PJA2: variants seen among roughly 807,000 people sequenced by gnomAD.
The protein encoded by PJA2 is E3 ubiquitin-protein ligase Praja-2.
A neutral mutation model predicts 69.3 loss-of-function variants in PJA2; 25 were observed. The observed-to-expected ratio is 0.36, with a 90% CI of 0.26 to 0.50. PJA2 has a LOEUF of 0.50. PJA2 is among the 20% of genes least tolerant of loss of function. The pLI is 0.96. For missense variants in PJA2, 809 were observed against 830.2 expected (o/e 0.97, Z 0.31); for synonymous variants, 308 against 277.8 (o/e 1.11, Z -1.08).
chr5:109,390,435 T>G (rs1425059474), intron 1 of PJA2, among the ~76,000 whole-genome samples: 1 of 152,036 alleles, frequency 6.6e-6, no homozygotes, highest in East Asian at 1.9e-4. Flanking sequence ...ACAATACTGA[T>G]TCCATCTTTT....
intron 4 of PJA2, among the ~76,000 whole-genome samples, chr5:109,376,379 G>A (rs1337977833): frequency 6.6e-6 from 1 of 151,624 alleles, no homozygotes; most frequent in African/African-American, 2.4e-5. Context: ...AAAGTCCAGG[G>A]TCCTTCAAGG....
Position 109,381,669 on chromosome 5 carries a change from G to A in PJA2, c.66C>T (p.Pro22=), listed in dbSNP as rs1208586492. ...MDQESGKAVW[P]KPAGGYQTIT... ...TTGTCTGATACCCTCCTGCTGGTTTGGGCCAGACAGCCTTACCAGATTCTT... is the reference window on the plus strand; with the variant it reads ...TTGTCTGATACCCTCCTGCTGGTTTAGGCCAGACAGCCTTACCAGATTCTT... The change falls in exon 3 of 10, where the codon CCC becomes CCT. Residue 22 remains proline (P), a synonymous_variant. Coordinates refer to ENST00000361189, the MANE Select transcript of PJA2 (RefSeq NM_014819.5). The A allele has an allele frequency of 3.7e-6, 6 of 1,613,640 alleles. No homozygotes were observed. The highest frequency in any genetic ancestry group is 4.2e-6 in the Non-Finnish European group (5 of 1,179,998).
At chr5:109,352,882 T>G (rs148143295) in intron 7 of PJA2, among the ~76,000 whole-genome samples, 1 of 148,954 alleles carries the variant, frequency 6.7e-6, no homozygotes, top group African/African-American at 2.5e-5. Context: ...ATATTAGATA[T>G]CTATATCTAT....
At chr5:109,347,123 TTAA>T (rs2126988645) in intron 7 of PJA2, among the ~76,000 whole-genome samples, 1 of 152,346 alleles carries the variant, frequency 6.6e-6, no homozygotes, top group South Asian at 2.1e-4. Flanking sequence ...ATAAACATAG[TTAA>T]TATTATTGAA....
chr5:109,373,219 C>T (rs971456297), intron 4 of PJA2, among the ~76,000 whole-genome samples: 1 of 152,026 alleles, frequency 6.6e-6, no homozygotes, highest in Admixed American at 6.6e-5. Flanking sequence ...GAAAAGAAAA[C>T]ACAAACAGGC....
Position 109,382,984 on chromosome 5 carries a change from G to A in PJA2, c.31+419C>T, listed in dbSNP as rs147526560. ...TATTTATAATACACGCACATATCGA[G>A]TATAAATAATATCAAGTGTTACACT... On this transcript the variant is annotated intron_variant, in intron 2 of 9. Transcript: ENST00000361189. 2.7e-3 allele frequency among the ~76,000 whole-genome samples: 414 copies of A among 152,174 alleles called. 3 individuals are homozygous for A. The highest frequency in any genetic ancestry group is 9.7e-3 in the African/African-American group (401 of 41,508).
chr5:109,368,904 T>C (rs1762628032), intron 4 of PJA2, among the ~76,000 whole-genome samples, 158 bp from the exon 5 acceptor site: 1 of 152,208 alleles, frequency 6.6e-6, no homozygotes, highest in South Asian at 2.1e-4. Flanking sequence ...GGGAGGTGAC[T>C]GCATCATGGG....
chr5:109,339,001 C>G (rs190892869), intron 9 of PJA2, among the ~76,000 whole-genome samples: 1 of 152,188 alleles, frequency 6.6e-6, no homozygotes, highest in Non-Finnish European at 1.5e-5. Flanking sequence ...TTAAACTGCA[C>G]CTACCTATAT....
intron 1 of PJA2, among the ~76,000 whole-genome samples, chr5:109,401,717 T>C (rs76807178): frequency 0.038 from 5,773 of 152,260 alleles, 110 homozygotes; most frequent in Middle Eastern, 0.051. Flanking sequence ...ACCAGTAGAA[T>C]TGAAGTCCAA....
chr5:109,354,463 ATC>A (rs1762368387), intron 7 of PJA2, among the ~76,000 whole-genome samples: 1 of 106,322 alleles, frequency 9.4e-6, no homozygotes. Flanking sequence ...TATCTATGAT[ATC>A]TAGAGATATC....
intron 7 of PJA2, among the ~76,000 whole-genome samples, chr5:109,353,538 C>CT (rs1401163397): frequency 5.8e-4 from 64 of 109,788 alleles, no homozygotes; most frequent in African/African-American, 3.2e-3. Flanking sequence ...TCTATAATAT[C>CT]ATAGATATCT....
intron 9 of PJA2, among the ~76,000 whole-genome samples, chr5:109,338,228 G>A (rs1399456108): frequency 6.6e-6 from 1 of 152,164 alleles, no homozygotes; most frequent in Admixed American, 6.5e-5. Context: ...AGCAGGAAAG[G>A]CTTCACACTA....
Position 109,363,002 on chromosome 5 carries a change from T to C in PJA2, c.1490A>G (p.Glu497Gly). The C allele has an allele frequency of 6.2e-7, 1 of 1,601,726 alleles. No homozygotes were observed. The highest frequency in any genetic ancestry group is 1.1e-5 in the South Asian group (1 of 89,682). ...GTACTGTAACCAAGGAATTTCTCCC[T>C]CTTCCAAGGATGTCTGTTCCCTAGT... ...LQEGEQTSLE[E>G]GEIPWLQYNE... The change falls in exon 6 of 10, where the codon GAG becomes GGG. Residue 497 changes from glutamate (E) to glycine (G), a missense_variant. This residue lies in a region of PJA2 where 700 missense variants were observed against 639.5 expected (regional missense o/e 1.09). Transcript: ENST00000361189.
intron 1 of PJA2, among the ~76,000 whole-genome samples, chr5:109,397,723 T>C (rs1315379292): frequency 4.6e-5 from 7 of 151,940 alleles, no homozygotes; most frequent in African/African-American, 1.4e-4. Flanking sequence ...AGGGTTTCAC[T>C]ATGTTGGCCA....
Position 109,402,990 on chromosome 5 carries a change from T to G in PJA2, c.-88+6852A>C, listed in dbSNP as rs145102496. Among the ~76,000 whole-genome samples, 52 of 151,624 alleles carry G rather than the reference T, an allele frequency of 3.4e-4. No individual in the cohort carries two copies. The East Asian group carries it at 3.9e-3, about 11-fold the overall frequency. ...AAGCTTACACCTTAATAAATTAACA[T>G]AGAGGAATTTAAACCCAAAGCATAT... is the stretch of plus-strand genomic sequence containing the variant. On this transcript the variant is annotated intron_variant, in intron 1 of 9. Transcript: ENST00000361189.
intron 4 of PJA2, among the ~76,000 whole-genome samples, chr5:109,369,045 C>T (rs909621126): frequency 1.3e-5 from 2 of 152,092 alleles, no homozygotes; most frequent in African/African-American, 2.4e-5. Context: ...CTGCTCCTGC[C>T]AAGTGAGAAG....
chr5:109,345,558 ACTT>A (rs1289154002), intron 7 of PJA2, among the ~76,000 whole-genome samples: 5 of 150,926 alleles, frequency 3.3e-5, no homozygotes, highest in African/African-American at 1.2e-4. Context: ...ATAATCATCT[ACTT>A]CTCCGTATTT....
At chr5:109,388,283 A>C (rs1182814325) in intron 1 of PJA2, among the ~76,000 whole-genome samples, 1 of 152,202 alleles carries the variant, frequency 6.6e-6, no homozygotes, top group Non-Finnish European at 1.5e-5. Flanking sequence ...GGCAACAGCC[A>C]CATGGATGAG....
intron 7 of PJA2, 98 bp downstream of exon 7, chr5:109,355,817 G>A: frequency 1.3e-6 from 1 of 777,518 alleles, no homozygotes; most frequent in Non-Finnish European, 2.1e-6. Flanking sequence ...ATGGGAAAAA[G>A]ATTCACCTTT....
Sources: allele counts gnomAD v4.1 joint callset (sites outside exome capture counted in the v4.1 genomes callset), GRCh38; gene constraint gnomAD v4.1.1; regional missense constraint gnomAD v4.1.1; transcripts MANE v1.5; gene names NCBI Gene and HGNC (gene_info 2026-07-23, HGNC 2026-07-21).